Variants in ANKRD11 observed in about 807,000 individuals in gnomAD.
The protein encoded by ANKRD11 is ankyrin repeat domain-containing protein 11.
ANKRD11 carries 17 observed loss-of-function variants against 195.7 expected under a neutral mutation model. That is an observed-to-expected ratio of 0.09 (90% CI 0.06 to 0.13). The LOEUF (loss-of-function observed/expected upper bound fraction) is 0.13, where lower values mean the gene tolerates loss of function less well. Among genes scored for constraint, ANKRD11 ranks in the 10% least tolerant of loss-of-function variants. The pLI is 1.00. For missense variants in ANKRD11, 3,735 were observed against 3,566.1 expected (o/e 1.05, Z -1.21); for synonymous variants, 1,953 against 1,528.1 (o/e 1.28, Z -6.49).
rs1210410309 is a variant in ANKRD11, at chr16:89,284,684, G to A, written c.1858C>T (p.Pro620Ser). The A allele has an allele frequency of 1.2e-6, 2 of 1,613,930 alleles. No individual in the cohort carries two copies. The highest frequency in any genetic ancestry group is 1.1e-5 in the South Asian group (1 of 91,078). ...PFLSSAEGAV[P>S]KLDKEGKVVK... ...ACTTTCCCCTCCTTGTCCAGTTTGG[G>A]GACAGCGCCCTCCGCGCTGGACAGG... is the stretch of plus-strand genomic sequence containing the variant. Residue 620 changes from proline to serine, a missense_variant, in exon 9 of 13, where the codon CCC becomes TCC. Physicochemically the swap from Pro to Ser is moderately conservative, Grantham distance 74. Coordinates refer to ENST00000301030, the MANE Select transcript of ANKRD11 (RefSeq NM_013275.6).
At chr16:89,410,279 T>C (rs1328357536) in intron 2 of ANKRD11, among the ~76,000 whole-genome samples, 1 of 152,034 alleles carries the variant, frequency 6.6e-6, no homozygotes, top group East Asian at 1.9e-4. Context: ...ACCAAGCCCA[T>C]CCCCAAAAGC....
chr16:89,466,178 C>G (rs1282752519), intron 1 of ANKRD11, among the ~76,000 whole-genome samples: 2 of 151,902 alleles, frequency 1.3e-5, no homozygotes, highest in South Asian at 2.1e-4. Context: ...GCAGCCCACC[C>G]CCTACAAGCA....
intron 2 of ANKRD11, among the ~76,000 whole-genome samples, chr16:89,343,070 G>C (rs895767203): frequency 1.3e-5 from 2 of 152,176 alleles, no homozygotes; most frequent in African/African-American, 2.4e-5. Flanking sequence ...ACCCAGGCTG[G>C]AGTGCAGTGG....
chr16:89,458,059 AC>A (rs1277987756), intron 1 of ANKRD11, among the ~76,000 whole-genome samples: 2 of 152,052 alleles, frequency 1.3e-5, no homozygotes, highest in African/African-American at 4.8e-5. Flanking sequence ...CTGTTCTCAG[AC>A]ACCTCTGCTG....
chr16:89,473,940 T>C (rs1225468150), intron 1 of ANKRD11, among the ~76,000 whole-genome samples: 1 of 152,224 alleles, frequency 6.6e-6, no homozygotes, highest in Non-Finnish European at 1.5e-5. Flanking sequence ...GACTACATTA[T>C]GTTACGTAAG....
intron 3 of ANKRD11, among the ~76,000 whole-genome samples, chr16:89,309,426 C>T (rs1238592208): frequency 6.6e-6 from 1 of 152,230 alleles, no homozygotes; most frequent in Admixed American, 6.5e-5. Flanking sequence ...GTTGTGTATT[C>T]TCATCTGGGT....
chr16:89,435,380 G>GTCCC (rs1169490301), intron 1 of ANKRD11, among the ~76,000 whole-genome samples: 1 of 152,180 alleles, frequency 6.6e-6, no homozygotes, highest in Non-Finnish European at 1.5e-5. Context: ...ACCCACTGGG[G>GTCCC]TCCCCTTCCA....
At chr16:89,271,756 A>C (rs114582367) in intron 11 of ANKRD11, 2 of 152,234 alleles carry the variant, frequency 1.3e-5, no homozygotes, top group Non-Finnish European at 2.9e-5. Context: ...AAAATGGATC[A>C]AAGTCTGGAA....
intron 3 of ANKRD11, among the ~76,000 whole-genome samples, chr16:89,309,734 G>C (rs544716696): frequency 1.3e-5 from 2 of 152,322 alleles, no homozygotes; most frequent in East Asian, 3.9e-4. Context: ...TTCCTCACCA[G>C]CACAAGAGGA....
Position 89,337,007 on chromosome 16 carries a change from CAAAAAAA to C in ANKRD11, c.-59-19936_-59-19930del, listed in dbSNP as rs60248736. ...CAACATGGTGAAACCCTGGCTCTAC[CAAAAAAA>C]AAAAAAAAAAAAAAAAAAAAAATTA... On this transcript the variant is annotated intron_variant, in intron 2 of 12. Coordinates refer to ENST00000301030, the MANE Select transcript of ANKRD11 (RefSeq NM_013275.6). Among the ~76,000 whole-genome samples the C allele has an allele frequency of 6.2e-3, 297 of 47,746 alleles. 1 individual carries two copies. Among genetic ancestry groups the C allele is most frequent in the African/African-American group, 0.02 (252 of 12,560 alleles). The allele number at this position is 47,746 out of a possible 152,430, so 31.3% of individuals were successfully genotyped here.
At chr16:89,286,308 G>A in intron 7 of ANKRD11, 122 bp from the exon 8 acceptor site, 2 of 1,396,298 alleles carry the variant, frequency 1.4e-6, no homozygotes, top group Non-Finnish European at 2.0e-6. Context: ...GCCCCTCACG[G>A]TCTGAGGGTG....
At chr16:89,341,113 T>C (rs2038634526) in intron 2 of ANKRD11, among the ~76,000 whole-genome samples, 1 of 152,202 alleles carries the variant, frequency 6.6e-6, no homozygotes, top group African/African-American at 2.4e-5. Context: ...ACTGTTTATA[T>C]GCAATATTAG....
At chr16:89,347,368 G>C (rs1190863034) in intron 2 of ANKRD11, among the ~76,000 whole-genome samples, 2 of 152,174 alleles carry the variant, frequency 1.3e-5, no homozygotes, top group Non-Finnish European at 2.9e-5. Context: ...CCAGCACTTT[G>C]AGAGGCCAAG....
rs1042094144 is a variant in ANKRD11 at position 89,374,857 on chromosome 16, T to C, written c.-60+43427A>G. On this transcript the variant is annotated intron_variant, in intron 2 of 12. Transcript: ENST00000301030. ...CACCCATCGATTTGTTTTCAACAAA[T>C]ACACTGAAAAACTTATTAGAGATTT... Among the ~76,000 whole-genome samples, 9 of 152,204 alleles carry C rather than the reference T, an allele frequency of 5.9e-5. No homozygotes were observed. In the East Asian group the frequency reaches 1.7e-3, roughly 29 times the overall value.
intron 1 of ANKRD11, among the ~76,000 whole-genome samples, chr16:89,472,362 C>T (rs900831109): frequency 2.0e-5 from 3 of 152,028 alleles, no homozygotes; most frequent in Admixed American, 6.5e-5. Context: ...AGGAGATCTG[C>T]ACATTTACTA....
At chr16:89,424,125 G>T (rs531260420) in intron 1 of ANKRD11, among the ~76,000 whole-genome samples, 1 of 152,224 alleles carries the variant, frequency 6.6e-6, no homozygotes, top group South Asian at 2.1e-4. Context: ...CTGCCTACCA[G>T]GCACCTGATC....
At chr16:89,450,228 G>T (rs1221131338) in intron 1 of ANKRD11, among the ~76,000 whole-genome samples, 1 of 152,164 alleles carries the variant, frequency 6.6e-6, no homozygotes, top group Non-Finnish European at 1.5e-5. Flanking sequence ...TCAGACCGGG[G>T]AGCCAGATGC....
At chr16:89,345,728 A>C (rs924666866) in intron 2 of ANKRD11, among the ~76,000 whole-genome samples, 56 of 152,180 alleles carry the variant, frequency 3.7e-4, no homozygotes, top group African/African-American at 1.4e-3. Flanking sequence ...TCCATGAACA[A>C]ACATTTCAGA....
At chr16:89,315,391 G>A (rs1046214277) in intron 3 of ANKRD11, among the ~76,000 whole-genome samples, 9 of 152,146 alleles carry the variant, frequency 5.9e-5, no homozygotes, top group African/African-American at 7.2e-5. Context: ...AGGGACCACC[G>A]GGAAGCGTGA....
Sources: allele counts gnomAD v4.1 joint callset (sites outside exome capture counted in the v4.1 genomes callset), GRCh38; gene constraint gnomAD v4.1.1; transcripts MANE v1.5; gene names NCBI Gene and HGNC (gene_info 2026-07-23, HGNC 2026-07-21).